The following CDKAL1 variants were observed in gnomAD, a reference collection of about 807,000 sequenced individuals.
The protein encoded by CDKAL1 is threonylcarbamoyladenosine tRNA methylthiotransferase.
Under a neutral mutation model 68.2 loss-of-function variants are expected in CDKAL1, and 32 were observed. The ratio of observed to expected loss-of-function variants is 0.47; its 90% CI spans 0.35 to 0.63. The LOEUF (loss-of-function observed/expected upper bound fraction) is 0.63, where lower values mean the gene tolerates loss of function less well. Ranked by LOEUF, CDKAL1 falls within the 30% of genes least tolerant of loss-of-function variation. The pLI is 0.00. For synonymous variants in CDKAL1, 234 were observed against 244.3 expected (o/e 0.96, Z 0.39); for missense variants, 606 against 696.7 (o/e 0.87, Z 1.47).
intron 5 of CDKAL1, among the ~76,000 whole-genome samples, chr6:20,666,327 G>A (rs1039151885): frequency 6.6e-6 from 1 of 150,808 alleles, no homozygotes; most frequent in Admixed American, 6.6e-5. Context: ...GGGAACTGTT[G>A]TTTACTCTGA....
At chr6:20,963,277 A>G (rs1765144156) in intron 10 of CDKAL1, among the ~76,000 whole-genome samples, 1 of 151,896 alleles carries the variant, frequency 6.6e-6, no homozygotes, top group Non-Finnish European at 1.5e-5. Context: ...CCTGGGTTTG[A>G]GCAGCAGGAA....
chr6:20,698,287 G>T (rs1375873595), intron 5 of CDKAL1, among the ~76,000 whole-genome samples: 1 of 152,076 alleles, frequency 6.6e-6, no homozygotes, highest in African/African-American at 2.4e-5. Context: ...CAAAAAAGTT[G>T]CAAAGAAACC....
At chr6:20,816,865 G>A (rs1777068246) in intron 8 of CDKAL1, among the ~76,000 whole-genome samples, 1 of 152,062 alleles carries the variant, frequency 6.6e-6, no homozygotes, top group African/African-American at 2.4e-5. Flanking sequence ...TCAAGAGTCA[G>A]TAGCTATTCT....
intron 4 of CDKAL1, among the ~76,000 whole-genome samples, chr6:20,645,729 CAAAT>C (rs200494660): frequency 2.3e-3 from 344 of 148,832 alleles, no homozygotes; most frequent in African/African-American, 8.0e-3. Context: ...GACTCTGTCT[CAAAT>C]AAATAAATAA....
At chr6:20,994,192 T>C (rs933430529) in intron 10 of CDKAL1, among the ~76,000 whole-genome samples, 2 of 152,210 alleles carry the variant, frequency 1.3e-5, no homozygotes, top group Non-Finnish European at 2.9e-5. Context: ...AGAAAATGCA[T>C]TGTGGGCTGG....
At chr6:20,707,772 A>T (rs1229859147) in intron 5 of CDKAL1, among the ~76,000 whole-genome samples, 1 of 152,248 alleles carries the variant, frequency 6.6e-6, no homozygotes, top group Non-Finnish European at 1.5e-5. Flanking sequence ...CCTCATATAA[A>T]GTAGGTACTC....
chr6:20,906,953 CATTATGCA>C (rs1441660714), intron 9 of CDKAL1, among the ~76,000 whole-genome samples: 2 of 152,126 alleles, frequency 1.3e-5, no homozygotes, highest in Non-Finnish European at 1.5e-5. Flanking sequence ...ATATATAACA[CATTATGCA>C]ATTATAACTC....
At chr6:21,059,569 C>T (rs978764751) in intron 11 of CDKAL1, among the ~76,000 whole-genome samples, 4 of 152,174 alleles carry the variant, frequency 2.6e-5, no homozygotes, top group African/African-American at 9.7e-5. Flanking sequence ...CCATGCAGCT[C>T]CCAAGTGAGC....
chr6:21,063,130 G>A (rs1344395785), intron 11 of CDKAL1, among the ~76,000 whole-genome samples: 1 of 152,104 alleles, frequency 6.6e-6, no homozygotes, highest in Non-Finnish European at 1.5e-5. Context: ...GGCCAGGCTG[G>A]TCTCGAACTC....
At chr6:20,983,300 G>T (rs997607570) in intron 10 of CDKAL1, among the ~76,000 whole-genome samples, 2 of 152,056 alleles carry the variant, frequency 1.3e-5, no homozygotes, top group East Asian at 1.9e-4. Flanking sequence ...TAGTTTAAAC[G>T]CATGAGACTT....
intron 5 of CDKAL1, among the ~76,000 whole-genome samples, chr6:20,664,994 G>C (rs1414859426): frequency 6.6e-6 from 1 of 152,050 alleles, no homozygotes; most frequent in African/African-American, 2.4e-5. Flanking sequence ...GGGAGCCTTT[G>C]TACCTGGTGT....
intron 10 of CDKAL1, among the ~76,000 whole-genome samples, chr6:20,982,008 T>TGTGGAAA (rs1412242262): frequency 6.6e-6 from 1 of 152,196 alleles, no homozygotes; most frequent in Non-Finnish European, 1.5e-5. Flanking sequence ...GAGTACTTGA[T>TGTGGAAA]GTGGAAATCA....
intron 4 of CDKAL1, among the ~76,000 whole-genome samples, chr6:20,644,969 G>T (rs749470482): frequency 4.6e-5 from 7 of 152,114 alleles, no homozygotes; most frequent in Non-Finnish European, 8.8e-5. Flanking sequence ...GCCATTATAT[G>T]GTATAGCCTA....
chr6:20,888,290 A>G (rs931706031), intron 9 of CDKAL1, among the ~76,000 whole-genome samples: 1 of 151,228 alleles, frequency 6.6e-6, no homozygotes, highest in African/African-American at 2.4e-5. Flanking sequence ...CCATGTCCCT[A>G]CAAGGGACAT....
At chr6:20,746,713 G>A (rs1196308137) in intron 6 of CDKAL1, among the ~76,000 whole-genome samples, 1 of 152,168 alleles carries the variant, frequency 6.6e-6, no homozygotes, top group Non-Finnish European at 1.5e-5. Flanking sequence ...TCTTAATGGA[G>A]ATGGAAATAA....
chr6:20,870,286 G>A lies in CDKAL1; in HGVS notation c.742+24108G>A, dbSNP rs563962611. Among the ~76,000 whole-genome samples, 6 of 152,256 alleles carry A rather than the reference G, an allele frequency of 3.9e-5. No individual in the cohort carries two copies. The South Asian group carries it at 1.2e-3, about 32-fold the overall frequency. ...CCAACCTATTGTCCAGATACTGCAG[G>A]CTTCATGAGAGGATAGATTTATAAG... On this transcript the variant is annotated intron_variant, in intron 9 of 15. Coordinates refer to ENST00000274695, the MANE Select transcript of CDKAL1 (RefSeq NM_017774.3).
intron 4 of CDKAL1, among the ~76,000 whole-genome samples, chr6:20,563,739 G>A (rs1348116272): frequency 6.6e-6 from 1 of 151,876 alleles, no homozygotes; most frequent in Non-Finnish European, 1.5e-5. Flanking sequence ...GTAAGCAGCT[G>A]TGTGAATGTA....
At chr6:20,552,618 ATTTT>A (rs11320714) in intron 4 of CDKAL1, among the ~76,000 whole-genome samples, 1 of 139,202 alleles carries the variant, frequency 7.2e-6, no homozygotes, top group Non-Finnish European at 1.6e-5. Context: ...TTGAATGGGA[ATTTT>A]TTTTTTTTTT....
chr6:21,206,452 C>T (rs1778941196), intron 15 of CDKAL1, among the ~76,000 whole-genome samples: 1 of 152,062 alleles, frequency 6.6e-6, no homozygotes, highest in Non-Finnish European at 1.5e-5. Context: ...TCTTGTCTGG[C>T]CTATGTTATA....
Sources: gnomAD v4.1 joint callset for allele counts (sites outside exome capture counted in the v4.1 genomes callset) on GRCh38, gnomAD v4.1.1 for gene constraint, MANE v1.5 for transcripts, NCBI Gene and HGNC (gene_info 2026-07-23, HGNC 2026-07-21) for gene names.